DNAH2: variants seen among roughly 807,000 people sequenced by gnomAD.
DNAH2 encodes the protein axonemal beta dynein heavy chain 2.
Under a neutral mutation model 523.5 loss-of-function variants are expected in DNAH2, and 323 were observed. The observed-to-expected ratio is 0.62, with a 90% CI of 0.56 to 0.68. The LOEUF (loss-of-function observed/expected upper bound fraction) is 0.68. Ranked by LOEUF, DNAH2 falls within the 30% of genes least tolerant of loss-of-function variation. DNAH2 has a pLI of 0.00. For synonymous variants in DNAH2, 2,093 were observed against 2,177.4 expected, an observed-to-expected ratio of 0.96 and a Z score of 1.08; for missense variants, 4,907 against 5,701.5, an observed-to-expected ratio of 0.86 and a Z score of 4.49.
At chr17:7,721,682 T>G (rs2074613219) in intron 2 of DNAH2, among the ~76,000 whole-genome samples, 2 of 152,316 alleles carry the variant, frequency 1.3e-5, no homozygotes, top group African/African-American at 2.4e-5. Context: ...GGTCTTTTGG[T>G]TATATCTCAT....
chr17:7,776,979 T>C, intron 32 of DNAH2, 90 bp downstream of exon 32: 1 of 1,073,724 alleles, frequency 9.3e-7, no homozygotes, highest in Non-Finnish European at 1.4e-6. Flanking sequence ...AGCCCAGGAG[T>C]TCGAGACCAG....
Position 7,807,556 on chromosome 17 carries a change from G to A in DNAH2, c.9699G>A (p.Ala3233=), listed in dbSNP as rs146334962. ...ALAQLREKQA[A]LAEAQEKLRE... ...CTCAGCTTCGGGAGAAGCAAGCCGCGCTCGCTGAGGCCCAGGAGAAGCTGC... is the reference window on the plus strand; with the variant it reads ...CTCAGCTTCGGGAGAAGCAAGCCGCACTCGCTGAGGCCCAGGAGAAGCTGC... The change falls in exon 63 of 86, where the codon GCG becomes GCA. Residue 3233 remains alanine, a synonymous_variant. Coordinates refer to ENST00000572933, the MANE Select transcript of DNAH2 (RefSeq NM_020877.5). This position sits in a 1 kb window ranked among gnomAD's most constrained non-coding sequence, Gnocchi z 5.6. 8,515 of 1,612,474 alleles carry A rather than the reference G, an allele frequency of 5.3e-3. 27 individuals are homozygous for A. The highest frequency in any genetic ancestry group is 9.1e-3 in the Middle Eastern group (55 of 6,060).
chr17:7,735,804 G>T (rs181181601), intron 7 of DNAH2, among the ~76,000 whole-genome samples: 5 of 151,946 alleles, frequency 3.3e-5, no homozygotes, highest in Admixed American at 6.6e-5. Context: ...CCAGGCTGGA[G>T]TGCAGTAGCG....
At chr17:7,814,972 G>A (rs1008969302) in intron 63 of DNAH2, among the ~76,000 whole-genome samples, 1 of 152,144 alleles carries the variant, frequency 6.6e-6, no homozygotes, top group Admixed American at 6.5e-5. Context: ...CCTCGTGCAT[G>A]TATGTCTTTC....
intron 11 of DNAH2, among the ~76,000 whole-genome samples, chr17:7,742,016 G>C (rs1045801630): frequency 6.6e-6 from 1 of 152,150 alleles, no homozygotes; most frequent in Non-Finnish European, 1.5e-5. Flanking sequence ...CCGGTATCTG[G>C]GGTGTTGGGT....
At chr17:7,740,074 G>GGA in intron 9 of DNAH2, 136 bp downstream of exon 9, 1 of 564,486 alleles carries the variant, frequency 1.8e-6, no homozygotes, top group Non-Finnish European at 2.8e-6. Context: ...CCCGGGGGGG[G>GGA]GGACAGGAGA....
chr17:7,742,874 C>CGGAT, intron 11 of DNAH2, 54 bp from the exon 12 acceptor site: 1 of 1,277,860 alleles, frequency 7.8e-7, no homozygotes, highest in Non-Finnish European at 1.0e-6. Context: ...GAGATGGTGG[C>CGGAT]CCCTGGAGGA....
intron 44 of DNAH2, among the ~76,000 whole-genome samples, chr17:7,790,624 CCT>C (rs1246208744): frequency 2.6e-5 from 4 of 152,012 alleles, no homozygotes; most frequent in Admixed American, 2.6e-4. Context: ...TTTTTGTTCC[CCT>C]CTCTCCTCCC....
rs140684109 is a variant in DNAH2 at position 7,824,229 on chromosome 17, C to T, written c.11587C>T (p.Arg3863Cys). 3.3e-4 allele frequency: 522 copies of T among 1,605,910 alleles called. 1 individual carries two copies. The highest frequency in any genetic ancestry group is 1.9e-4 in the Non-Finnish European group (221 of 1,177,130). The stretch of plus-strand genomic sequence containing the variant: ...GGCAGAGCACATGGGCATGGCCCAG[C>T]GCTTCCACGCCCTGTCCCTGGGCCA... ...QLAEHMGMAQ[R>C]FHALSLGQGQ... Residue 3863 changes from arginine (R) to cysteine (C), a missense_variant, in exon 76 of 86, where the codon CGC becomes TGC. Physicochemically the swap from Arg to Cys is radical, Grantham distance 180. This residue lies in a region of DNAH2 where 1,851 missense variants were observed against 2,139.4 expected (regional missense o/e 0.87). Transcript: ENST00000572933.
chr17:7,813,846 T>C (rs2077584336), intron 63 of DNAH2, among the ~76,000 whole-genome samples: 1 of 150,840 alleles, frequency 6.6e-6, no homozygotes, highest in South Asian at 2.1e-4. Flanking sequence ...AGGTGGAGGT[T>C]GCAGTGAGCC....
rs1417906710 is a variant in DNAH2, at chr17:7,818,784, CCTGCCTTCCCCTCCCACTGCCCCACGGGT to C, written c.10670+11_10670+39del. The C allele has an allele frequency of 3.1e-6, 5 of 1,613,816 alleles. No individual in the cohort carries two copies. The highest frequency in any genetic ancestry group is 3.4e-6 in the Non-Finnish European group (4 of 1,179,906). ...GGAGGATGAGATCCTGCGGTGAGGC[CCTGCCTTCCCCTCCCACTGCCCCACGGGT>C]CTACTCCCAGCCAGCCTCCACCCAG... On this transcript the variant is annotated intron_variant, in intron 70 of 85. Transcript: ENST00000572933.
Position 7,832,527 on chromosome 17 carries a change from C to CG in DNAH2, c.12727-50dup, listed in dbSNP as rs2078210108. The CG allele has an allele frequency of 6.3e-7, 1 of 1,579,840 alleles. No individual in the cohort carries two copies. Among genetic ancestry groups the CG allele is most frequent in the African/African-American group, 1.4e-5 (1 of 73,852 alleles). ...TCTGTCTCTAAATAAATAAATAATA[C>CG]GGATTTGAATGCACGGCTAAATGAG... is the stretch of plus-strand genomic sequence containing the variant. On this transcript the variant is annotated intron_variant, in intron 82 of 85. Coordinates refer to ENST00000572933, the MANE Select transcript of DNAH2 (RefSeq NM_020877.5). The surrounding 1 kb of genome is among the most constrained non-coding windows in gnomAD (Gnocchi z 4.3).
Position 7,832,708 on chromosome 17 carries a change from A to T in DNAH2, c.12856A>T (p.Thr4286Ser), listed in dbSNP as rs1473205820. 6.2e-7 allele frequency: 1 copy of T among 1,613,756 alleles called. No homozygotes were observed. Among genetic ancestry groups the T allele is most frequent in the Non-Finnish European group, 8.5e-7 (1 of 1,179,934 alleles). The change falls in exon 83 of 86, where the codon ACT (threonine) becomes TCT (serine). Residue 4286 changes from threonine to serine, a missense_variant. Physicochemically the swap from Thr to Ser is moderately conservative, Grantham distance 58. This residue lies in a region of DNAH2 where 1,851 missense variants were observed against 2,139.4 expected (regional missense o/e 0.87). Transcript: ENST00000572933. The surrounding 1 kb of genome is among the most constrained non-coding windows in gnomAD (Gnocchi z 4.3). ...CTGGTTGTCTGGTTTCACCTTTCCC[A>T]CTGGCTTCCTCACTGCTGTGCTGCA... ...IFWLSGFTFP[T>S]GFLTAVLQSS...
intron 11 of DNAH2, among the ~76,000 whole-genome samples, chr17:7,742,683 A>C (rs1394886744): frequency 6.6e-6 from 1 of 152,082 alleles, no homozygotes; most frequent in African/African-American, 2.4e-5. Flanking sequence ...TCCTAAACAA[A>C]TTCTCTGTGC....
chr17:7,807,122 G>A lies in DNAH2; in HGVS notation c.9443-28G>A. On this transcript the variant is annotated intron_variant, in intron 61 of 85. Coordinates refer to ENST00000572933, the MANE Select transcript of DNAH2 (RefSeq NM_020877.5). The surrounding 1 kb of genome is among the most constrained non-coding windows in gnomAD (Gnocchi z 5.6). ...CAAGGAGGATGGCATTAAGCCTCTGGCTAAGGCCCCTAATTTTCATCCCAC... is the reference window on the plus strand; with the variant it reads ...CAAGGAGGATGGCATTAAGCCTCTGACTAAGGCCCCTAATTTTCATCCCAC... 1 of 1,597,190 alleles carries A rather than the reference G, an allele frequency of 6.3e-7. No individual in the cohort carries two copies. The highest frequency in any genetic ancestry group is 8.5e-7 in the Non-Finnish European group (1 of 1,177,686).
Position 7,764,171 on chromosome 17 carries a change from G to A in DNAH2, c.3234G>A (p.Val1078=). Residue 1078 remains valine (V), a synonymous_variant, in exon 20 of 86, where the codon GTG becomes GTA. Transcript: ENST00000572933. ...AACTGGGGGTCAGCTTGCAGCTCGT[G>A]GATGCCCTGAAGCACGACTTGGCCA... is the stretch of plus-strand genomic sequence containing the variant. ...LEELGVSLQL[V]DALKHDLANV... is the part of the protein sequence containing the mutation. The A allele has an allele frequency of 6.2e-7, 1 of 1,614,196 alleles. No homozygotes were observed. Among genetic ancestry groups the A allele is most frequent in the Admixed American group, 1.7e-5 (1 of 60,018 alleles).
Position 7,766,334 on chromosome 17 carries a change from C to G in DNAH2, c.3528C>G (p.Asn1176Lys), listed in dbSNP as rs561229733. 1 of 1,613,508 alleles carries G rather than the reference C, an allele frequency of 6.2e-7. No homozygotes were observed. The highest frequency in any genetic ancestry group is 8.5e-7 in the Non-Finnish European group (1 of 1,179,716). The change falls in exon 22 of 86, where the codon AAC (asparagine) becomes AAG (lysine). Residue 1176 changes from asparagine to lysine, a missense_variant. Around this residue, in one of 3 missense-constraint regions of DNAH2, gnomAD observed 2,806 missense variants for 3,190.8 expected, o/e 0.88. Transcript: ENST00000572933. ...DFEFKGHFTS[N>K]VGYMSALDQI... ...CCTCCACAGGCCATTTCACCAGCAA[C>G]GTGGGATACATGTCTGCCTTAGACC...
intron 13 of DNAH2, among the ~76,000 whole-genome samples, chr17:7,757,544 A>G (rs1037215015): frequency 6.6e-6 from 1 of 152,010 alleles, no homozygotes; most frequent in Non-Finnish European, 1.5e-5. Flanking sequence ...TGGCATTAGG[A>G]TTATGTGCAC....
chr17:7,812,327 C>T (rs762744332), intron 63 of DNAH2, among the ~76,000 whole-genome samples: 8 of 152,172 alleles, frequency 5.3e-5, no homozygotes, highest in Non-Finnish European at 1.2e-4. Context: ...TTTTGAAGTG[C>T]ACCATTCAGG....
Sources: gnomAD v4.1 joint callset for allele counts (sites outside exome capture counted in the v4.1 genomes callset) on GRCh38, gnomAD v4.1.1 for gene constraint, gnomAD v4.1.1 regional missense constraint, Gnocchi (gnomAD v3.1) non-coding constraint, MANE v1.5 for transcripts, NCBI Gene and HGNC (gene_info 2026-07-23, HGNC 2026-07-21) for gene names.